TNRC6B: variants seen among roughly 807,000 people sequenced by gnomAD.
The protein encoded by TNRC6B is trinucleotide repeat-containing gene 6B protein.
Under a neutral mutation model 203.6 loss-of-function variants are expected in TNRC6B, and 52 were observed. That is an observed-to-expected ratio of 0.26 (90% CI 0.20 to 0.32). The LOEUF (loss-of-function observed/expected upper bound fraction) is 0.32, where lower values mean the gene tolerates loss of function less well. TNRC6B is among the 10% of genes least tolerant of loss of function. The pLI is 1.00. For missense variants in TNRC6B, 1,923 were observed against 2,286.2 expected (o/e 0.84, Z 3.24); for synonymous variants, 838 against 845.7 (o/e 0.99, Z 0.16).
At chr22:40,153,231 A>G (rs981520652) in intron 3 of TNRC6B, among the ~76,000 whole-genome samples, 1 of 152,256 alleles carries the variant, frequency 6.6e-6, no homozygotes, top group Non-Finnish European at 1.5e-5. Flanking sequence ...AATCACTGGA[A>G]TATATACTCC....
At chr22:40,309,979 C>G (rs2071151499) in intron 16 of TNRC6B, among the ~76,000 whole-genome samples, 1 of 152,018 alleles carries the variant, frequency 6.6e-6, no homozygotes, top group African/African-American at 2.4e-5. Flanking sequence ...ATCAAGTGAC[C>G]CAATATAGTA....
rs1266800115 is a variant in TNRC6B at position 40,063,417 on chromosome 22, A to G, written c.-121+18419A>G. ...GCCCTTCTGGATCCCTTGAATTTCC[A>G]CATGAATTTTAGGATCAGCTTCTCC... On this transcript the variant is annotated intron_variant, in intron 1 of 23. Coordinates refer to the TNRC6B transcript ENST00000301923. 3.3e-5 allele frequency among the ~76,000 whole-genome samples: 5 copies of G among 152,318 alleles called. No individual in the cohort carries two copies. In the South Asian group the frequency reaches 1.0e-3, roughly 32 times the overall value.
intron 1 of TNRC6B, among the ~76,000 whole-genome samples, chr22:40,227,794 A>T (rs1408941415): frequency 4.6e-5 from 7 of 151,384 alleles, no homozygotes; most frequent in South Asian, 2.1e-4. Context: ...GAAAGCAGAT[A>T]AAAAAAATGC....
intron 1 of TNRC6B, among the ~76,000 whole-genome samples, chr22:40,210,302 GTC>G (rs1569022257): frequency 6.6e-6 from 1 of 152,222 alleles, no homozygotes; most frequent in East Asian, 1.9e-4. Flanking sequence ...AAAAGCTGTT[GTC>G]TCTCAGATTC....
chr22:40,131,560 A>G (rs1243089442), intron 3 of TNRC6B, among the ~76,000 whole-genome samples: 1 of 152,112 alleles, frequency 6.6e-6, no homozygotes, highest in Non-Finnish European at 1.5e-5. Flanking sequence ...TTAATTCAGC[A>G]CATATTTATT....
At chr22:40,202,928 G>C (rs745336911) in intron 1 of TNRC6B, among the ~76,000 whole-genome samples, 24 of 151,974 alleles carry the variant, frequency 1.6e-4, no homozygotes, top group Admixed American at 4.6e-4. Context: ...TTTCCTTCTC[G>C]CCCAGGTTTT....
At chr22:40,268,952 C>A (rs997759223) in intron 5 of TNRC6B, among the ~76,000 whole-genome samples, 1 of 150,298 alleles carries the variant, frequency 6.7e-6, no homozygotes, top group Non-Finnish European at 1.5e-5. Flanking sequence ...ATAATCTTAA[C>A]CCCTAGGGTC....
At chr22:40,130,894 G>A (rs1201824622) in intron 3 of TNRC6B, among the ~76,000 whole-genome samples, 3 of 151,698 alleles carry the variant, frequency 2.0e-5, no homozygotes, top group Non-Finnish European at 2.9e-5. Flanking sequence ...TGGATGGGCA[G>A]GGTTGGTATA....
chr22:40,230,951 G>T (rs369125901), intron 1 of TNRC6B, among the ~76,000 whole-genome samples: 2 of 152,020 alleles, frequency 1.3e-5, no homozygotes, highest in African/African-American at 4.8e-5. Context: ...CATTTTTAAA[G>T]ATATTCCTAC....
chr22:40,277,816 T>A (rs1385453223), intron 8 of TNRC6B, among the ~76,000 whole-genome samples, 183 bp from the exon 9 acceptor site: 1 of 152,230 alleles, frequency 6.6e-6, no homozygotes, highest in Non-Finnish European at 1.5e-5. Flanking sequence ...TGTAGGAATA[T>A]AGGCCCAAAC....
intron 1 of TNRC6B, among the ~76,000 whole-genome samples, chr22:40,061,445 A>G (rs2067851221): frequency 6.6e-6 from 1 of 150,916 alleles, no homozygotes; most frequent in African/African-American, 2.4e-5. Flanking sequence ...CTGGTCTCGA[A>G]CTCCTGACCT....
At chr22:40,155,121 T>C (rs2068808232) in intron 3 of TNRC6B, among the ~76,000 whole-genome samples, 1 of 151,758 alleles carries the variant, frequency 6.6e-6, no homozygotes, top group Non-Finnish European at 1.5e-5. Context: ...TCTGTTTTAC[T>C]GTTGACAGAT....
chr22:40,122,447 C>A (rs1657685047), intron 2 of TNRC6B, among the ~76,000 whole-genome samples: 1 of 152,146 alleles, frequency 6.6e-6, no homozygotes, highest in South Asian at 2.1e-4. Context: ...ACAGACTGAC[C>A]TACTCACGGG....
At chr22:40,096,026 A>G (rs528951642) in intron 1 of TNRC6B, among the ~76,000 whole-genome samples, 1 of 152,112 alleles carries the variant, frequency 6.6e-6, no homozygotes, top group South Asian at 2.1e-4. Context: ...GCAGCCCCAA[A>G]TCCTTGTGTC....
chr22:40,138,612 A>G (rs1285827449), intron 3 of TNRC6B, among the ~76,000 whole-genome samples: 3 of 152,168 alleles, frequency 2.0e-5, no homozygotes, highest in Non-Finnish European at 4.4e-5. Context: ...ATACTGAGGC[A>G]CCTGCAGGCA....
Position 40,324,429 on chromosome 22 carries a change from G to A in TNRC6B, c.*1188G>A, listed in dbSNP as rs572654453. 6 of 152,474 alleles carry A rather than the reference G, an allele frequency of 3.9e-5. No individual in the cohort carries two copies. Among genetic ancestry groups the A allele is most frequent in the Non-Finnish European group, 8.8e-5 (6 of 68,020 alleles). The allele number at this position is 152,474 out of a possible 1,614,324, so 9.4% of individuals were successfully genotyped here. On this transcript the variant is annotated 3_prime_UTR_variant, in exon 23 of 23. Transcript: ENST00000454349. ...GATGTCTCAAAAACAGAGAAACTTT[G>A]TTCCCTCTTTCCTTATGATCAGGTT...
At chr22:40,232,655 A>G (rs1265138473) in intron 1 of TNRC6B, among the ~76,000 whole-genome samples, 2 of 152,214 alleles carry the variant, frequency 1.3e-5, no homozygotes, top group African/African-American at 2.4e-5. Flanking sequence ...TTGCGGGGAA[A>G]AAGCTTTCAA....
At chr22:40,057,557 A>G (rs192652377) in intron 1 of TNRC6B, among the ~76,000 whole-genome samples, 6 of 152,282 alleles carry the variant, frequency 3.9e-5, no homozygotes, top group Admixed American at 3.9e-4. Context: ...AAGTGCTGGG[A>G]TTACAGGCGT....
intron 3 of TNRC6B, among the ~76,000 whole-genome samples, chr22:40,253,271 T>C (rs1470785038): frequency 6.6e-6 from 1 of 150,928 alleles, no homozygotes; most frequent in East Asian, 1.9e-4. Flanking sequence ...TTTGTATTTT[T>C]AGTAGAGACG....
Sources: gnomAD v4.1 joint callset for allele counts (sites outside exome capture counted in the v4.1 genomes callset) on GRCh38, gnomAD v4.1.1 for gene constraint, MANE v1.5 for transcripts, NCBI Gene and HGNC (gene_info 2026-07-23, HGNC 2026-07-21) for gene names.